OSBPL9: variants seen among roughly 807,000 people sequenced by gnomAD.
The protein encoded by OSBPL9 is oxysterol binding protein like 9, also known as oxysterol-binding protein-related protein 9.
In OSBPL9, 40 loss-of-function variants were observed where a neutral mutation model predicts 106.6. The ratio of observed to expected loss-of-function variants is 0.38; its 90% confidence interval spans 0.29 to 0.49. The LOEUF is 0.49. Among genes scored for constraint, OSBPL9 ranks in the 20% least tolerant of loss-of-function variants. The pLI is 0.97. For synonymous variants in OSBPL9, 269 were observed against 295.4 expected, an observed-to-expected ratio of 0.91 and a Z score of 0.92; for missense variants, 609 against 887.2, an observed-to-expected ratio of 0.69 and a Z score of 3.98.
At chr1:51,672,478 TGTCA>T (rs1461384874) in intron 3 of OSBPL9, among the ~76,000 whole-genome samples, 1 of 152,168 alleles carries the variant, frequency 6.6e-6, no homozygotes, top group Non-Finnish European at 1.5e-5. Flanking sequence ...TTTATGCTCC[TGTCA>T]GTCAGTCCCC....
At chr1:51,617,034 C>CGGG, upstream of OSBPL9, 3 of 1,335,772 alleles carry the variant, frequency 2.2e-6, no homozygotes, top group Non-Finnish European at 3.1e-6. Flanking sequence ...CCGCCCCCTG[C>CGGG]GGCCCCGCCC....
At chr1:51,679,957 T>C (rs1260807539) in intron 3 of OSBPL9, among the ~76,000 whole-genome samples, 1 of 152,214 alleles carries the variant, frequency 6.6e-6, no homozygotes, top group Non-Finnish European at 1.5e-5. Context: ...TTCAATACTA[T>C]CCACAGTTTC....
chr1:51,596,389 G>A (rs184194192), intron 1 of OSBPL9, among the ~76,000 whole-genome samples: 2,978 of 145,420 alleles, frequency 0.02, 50 homozygotes, highest in Non-Finnish European at 0.031. Flanking sequence ...GTGAAACCCC[G>A]TCTCTACTAA....
chr1:51,722,918 T>C (rs1662412722), intron 4 of OSBPL9, among the ~76,000 whole-genome samples: 1 of 152,256 alleles, frequency 6.6e-6, no homozygotes, highest in Non-Finnish European at 1.5e-5. Flanking sequence ...TTCATTCATT[T>C]GGCCTGACTT....
At chr1:51,552,837 C>T in the OSBPL9 span, among the ~76,000 whole-genome samples, 1 of 151,930 alleles carries the variant, frequency 6.6e-6, no homozygotes, top group Non-Finnish European at 1.5e-5. Context: ...CTTGGCCAGG[C>T]TTGTCTTGAA....
intron 1 of OSBPL9, among the ~76,000 whole-genome samples, chr1:51,626,767 G>A (rs754698841): frequency 2.6e-5 from 4 of 151,898 alleles, no homozygotes; most frequent in South Asian, 4.2e-4. Context: ...TGATACTCCC[G>A]CTTTGGCCTT....
intron 11 of OSBPL9, among the ~76,000 whole-genome samples, chr1:51,762,564 A>G (rs1210850405): frequency 6.6e-6 from 1 of 152,236 alleles, no homozygotes; most frequent in Admixed American, 6.5e-5. Context: ...TACTCCAGCT[A>G]GACTTGCATA....
At chr1:51,648,038 C>T (rs149460653) in intron 1 of OSBPL9, among the ~76,000 whole-genome samples, 95 of 152,176 alleles carry the variant, frequency 6.2e-4, no homozygotes, top group African/African-American at 2.2e-3. Flanking sequence ...TTTAAGGTAC[C>T]GGGCCTTGTA....
At chr1:51,617,033 GCGGCC>G, upstream of OSBPL9, 1 of 953,808 alleles carries the variant, frequency 1.0e-6, no homozygotes, top group Non-Finnish European at 1.5e-6. Flanking sequence ...CCCGCCCCCT[GCGGCC>G]CCGCCCCCCG....
chr1:51,784,205 A>G (rs958465114), intron 18 of OSBPL9, 59 bp from the exon 19 acceptor site: 29 of 1,555,254 alleles, frequency 1.9e-5, no homozygotes, highest in Non-Finnish European at 2.6e-5. Flanking sequence ...CAGCTCGACA[A>G]GAAAGCCTTG....
intron 1 of OSBPL9, among the ~76,000 whole-genome samples, chr1:51,629,666 T>G (rs1644988311): frequency 6.6e-6 from 1 of 152,102 alleles, no homozygotes; most frequent in Admixed American, 6.6e-5. Flanking sequence ...TTCACTAATG[T>G]GGCTCGGTGC....
At chr1:51,661,200 T>C (rs1350309031) in intron 2 of OSBPL9, among the ~76,000 whole-genome samples, 4 of 152,204 alleles carry the variant, frequency 2.6e-5, no homozygotes, top group African/African-American at 9.6e-5. Flanking sequence ...CTACATTCCT[T>C]TTAGGAGCCT....
chr1:51,617,422 GA>G (rs1330885247), intron 1 of OSBPL9, among the ~76,000 whole-genome samples: 2 of 152,160 alleles, frequency 1.3e-5, no homozygotes, highest in African/African-American at 4.8e-5. Flanking sequence ...CCAATAAATA[GA>G]AACTAGCTGT....
At chr1:51,728,564 C>T (rs1305648775) in intron 4 of OSBPL9, among the ~76,000 whole-genome samples, 1 of 152,066 alleles carries the variant, frequency 6.6e-6, no homozygotes. Flanking sequence ...GGCAGAGTAC[C>T]CAGCTTTTAG....
At chr1:51,678,383 G>A (rs115364690) in intron 3 of OSBPL9, among the ~76,000 whole-genome samples, 1,703 of 152,228 alleles carry the variant, frequency 0.011, 29 homozygotes, top group African/African-American at 0.037. Flanking sequence ...TGCAGTGGCC[G>A]GGTGCAGTGG....
intron 1 of OSBPL9, among the ~76,000 whole-genome samples, chr1:51,629,495 T>G (rs1482036703): frequency 6.6e-6 from 1 of 152,126 alleles, no homozygotes; most frequent in Non-Finnish European, 1.5e-5. Context: ...TACACAAACT[T>G]AGATCATATA....
Position 51,729,144 on chromosome 1 carries a change from C to A in OSBPL9, c.318+15065C>A, listed in dbSNP as rs76734536. On this transcript the variant is annotated intron_variant, in intron 4 of 23. Transcript: ENST00000428468. This position sits in a 1 kb window ranked among gnomAD's most constrained non-coding sequence, Gnocchi z 5.1. ...AGCATCTTTACAAGCCACCTACATT[C>A]CTTATGGAGCTGTGGCACAACAGCA... Among the ~76,000 whole-genome samples, 3,541 of 152,262 alleles carry A rather than the reference C, an allele frequency of 0.023. 103 individuals are homozygous for A. The highest frequency in any genetic ancestry group is 0.11 in the East Asian group (552 of 5,182).
At chr1:51,758,180 A>G (rs1024002612) in intron 9 of OSBPL9, among the ~76,000 whole-genome samples, 3 of 152,180 alleles carry the variant, frequency 2.0e-5, no homozygotes, top group African/African-American at 7.2e-5. Context: ...CAAAATTACA[A>G]CAAATTTAAT....
chr1:51,666,361 A>C (rs1223476477), intron 2 of OSBPL9, among the ~76,000 whole-genome samples: 1 of 152,192 alleles, frequency 6.6e-6, no homozygotes, highest in Non-Finnish European at 1.5e-5. Flanking sequence ...TTGTTTAACA[A>C]ATGGTGAGAA....
Sources: allele counts gnomAD v4.1 joint callset (sites outside exome capture counted in the v4.1 genomes callset), GRCh38; gene constraint gnomAD v4.1.1; non-coding constraint Gnocchi (gnomAD v3.1); transcripts MANE v1.5; gene names NCBI Gene and HGNC (gene_info 2026-07-23, HGNC 2026-07-21).